BCHE: variants seen among roughly 807,000 people sequenced by gnomAD.
BCHE encodes the protein butyrylcholinesterase.
A neutral mutation model predicts 51.3 loss-of-function variants in BCHE; 48 were observed. The ratio of observed to expected loss-of-function variants is 0.94; its 90% confidence interval spans 0.74 to 1.19. BCHE has a LOEUF of 1.19. Among genes scored for constraint, BCHE ranks in the 50% most tolerant of loss-of-function variants. The pLI, the probability that BCHE is intolerant of heterozygous loss-of-function variation, is 0.00. For missense variants in BCHE, 847 were observed against 708.2 expected (o/e 1.20, Z -2.23); for synonymous variants, 251 against 238.0 (o/e 1.05, Z -0.50).
intron 2 of BCHE, among the ~76,000 whole-genome samples, chr3:165,796,931 G>A (rs538185934): frequency 8.5e-5 from 13 of 152,102 alleles, no homozygotes; most frequent in African/African-American, 3.1e-4. Flanking sequence ...AAGCTTTCAT[G>A]GTCTGGAAGA....
chr3:165,805,606 G>C (rs975923761), intron 2 of BCHE, among the ~76,000 whole-genome samples: 4 of 152,110 alleles, frequency 2.6e-5, no homozygotes, highest in Non-Finnish European at 5.9e-5. Context: ...ATATGATTCT[G>C]TAAGATCTGA....
At chr3:165,818,218 A>G (rs1714379163) in intron 2 of BCHE, among the ~76,000 whole-genome samples, 3 of 152,036 alleles carry the variant, frequency 2.0e-5, no homozygotes, top group Admixed American at 2.0e-4. Context: ...GAAACAAAGC[A>G]TATAATATAA....
intron 1 of BCHE, among the ~76,000 whole-genome samples, chr3:165,836,069 A>T (rs1392769074): frequency 6.6e-6 from 1 of 151,958 alleles, no homozygotes; most frequent in Non-Finnish European, 1.5e-5. Flanking sequence ...CTTATGTTTT[A>T]TAAAAATGAA....
chr3:165,831,207 A>G (rs1714973866), intron 1 of BCHE, among the ~76,000 whole-genome samples, 166 bp from the exon 2 acceptor site: 1 of 152,128 alleles, frequency 6.6e-6, no homozygotes, highest in South Asian at 2.1e-4. Context: ...GAAAACAGAG[A>G]TATTTTAGTT....
chr3:165,799,328 C>T (rs1647914569), intron 2 of BCHE, among the ~76,000 whole-genome samples: 1 of 152,072 alleles, frequency 6.6e-6, no homozygotes, highest in Non-Finnish European at 1.5e-5. Context: ...TGAACCTACA[C>T]TCCTGCCTAG....
chr3:165,811,288 C>T (rs1714082884), intron 2 of BCHE, among the ~76,000 whole-genome samples: 1 of 152,022 alleles, frequency 6.6e-6, no homozygotes, highest in Admixed American at 6.6e-5. Context: ...TCTACATATG[C>T]AGGTGCATGT....
chr3:165,791,964 A>G (rs202147249), intron 2 of BCHE, among the ~76,000 whole-genome samples: 1 of 151,362 alleles, frequency 6.6e-6, no homozygotes, highest in East Asian at 1.9e-4. Flanking sequence ...AAAATAAAAT[A>G]AAATAAAATA....
intron 3 of BCHE, among the ~76,000 whole-genome samples, chr3:165,785,730 A>G (rs1712920295): frequency 6.6e-6 from 1 of 151,532 alleles, no homozygotes; most frequent in African/African-American, 2.4e-5. Context: ...AGGTTCTATT[A>G]TTTATCAATA....
chr3:165,779,931 C>T (rs993285664), intron 3 of BCHE, among the ~76,000 whole-genome samples: 2 of 151,806 alleles, frequency 1.3e-5, no homozygotes, highest in African/African-American at 2.4e-5. Flanking sequence ...AATATGTAAC[C>T]AAAAAAGAGC....
intron 2 of BCHE, among the ~76,000 whole-genome samples, chr3:165,796,207 A>C (rs1272832329): frequency 6.6e-6 from 1 of 152,214 alleles, no homozygotes; most frequent in Non-Finnish European, 1.5e-5. Context: ...GGAGGCATGC[A>C]AAAATATTGG....
chr3:165,775,347 GATCA>G (rs1449478753), intron 3 of BCHE, among the ~76,000 whole-genome samples: 1 of 151,666 alleles, frequency 6.6e-6, no homozygotes, highest in Non-Finnish European at 1.5e-5. Flanking sequence ...CTTTTAAAAA[GATCA>G]GTCACTATAA....
chr3:165,833,036 A>C (rs1215248522), intron 1 of BCHE, among the ~76,000 whole-genome samples: 2 of 152,058 alleles, frequency 1.3e-5, no homozygotes, highest in African/African-American at 4.8e-5. Flanking sequence ...AATTCTAACA[A>C]TATTCATATG....
At chr3:165,819,485 C>T (rs1208261319) in intron 2 of BCHE, among the ~76,000 whole-genome samples, 1 of 152,046 alleles carries the variant, frequency 6.6e-6, no homozygotes, top group African/African-American at 2.4e-5. Flanking sequence ...AAAAAATTAT[C>T]ATTCCAATTC....
chr3:165,822,535 A>C (rs1160538862), intron 2 of BCHE, among the ~76,000 whole-genome samples: 1 of 152,092 alleles, frequency 6.6e-6, no homozygotes, highest in Non-Finnish European at 1.5e-5. Context: ...TAGCTTACCT[A>C]AGTTTACATA....
chr3:165,828,196 T>G (rs1220156403), intron 2 of BCHE: 1 of 369,022 alleles, frequency 2.7e-6, no homozygotes, highest in East Asian at 7.9e-5. Context: ...ATTAAGACCT[T>G]AAAAAAGTAG....
At chr3:165,821,234 T>C (rs1714499729) in intron 2 of BCHE, among the ~76,000 whole-genome samples, 1 of 151,890 alleles carries the variant, frequency 6.6e-6, no homozygotes, top group Admixed American at 6.6e-5. Flanking sequence ...TTGAAAAATA[T>C]AACAAAAAGT....
At chr3:165,836,954 A>G (rs891026359) in intron 1 of BCHE, among the ~76,000 whole-genome samples, 3 of 152,148 alleles carry the variant, frequency 2.0e-5, no homozygotes, top group Non-Finnish European at 2.9e-5. Context: ...TTACAGAGAG[A>G]TTCAATAAAC....
At chr3:165,819,511 A>T (rs1050058424) in intron 2 of BCHE, among the ~76,000 whole-genome samples, 17 of 152,138 alleles carry the variant, frequency 1.1e-4, no homozygotes, top group Non-Finnish European at 2.1e-4. Context: ...TAGGAAGTAC[A>T]TTCCTTCATA....
intron 2 of BCHE, among the ~76,000 whole-genome samples, chr3:165,814,503 A>G (rs534475664): frequency 6.6e-6 from 1 of 152,214 alleles, no homozygotes; most frequent in African/African-American, 2.4e-5. Context: ...CAGCTCACTA[A>G]TACTTACTGG....
Sources: gnomAD v4.1 joint callset for allele counts (sites outside exome capture counted in the v4.1 genomes callset) on GRCh38, gnomAD v4.1.1 for gene constraint, MANE v1.5 for transcripts, NCBI Gene and HGNC (gene_info 2026-07-23, HGNC 2026-07-21) for gene names.